Variants in RAPGEF6 observed in about 807,000 individuals in gnomAD.
RAPGEF6 encodes PDZ domain containing guanine nucleotide exchange factor (GEF) 2.
In RAPGEF6, 56 loss-of-function variants were observed where a neutral mutation model predicts 171.4. The ratio of observed to expected loss-of-function variants is 0.33; its 90% CI spans 0.26 to 0.41. The LOEUF is 0.41. RAPGEF6 is among the 10% of genes least tolerant of loss of function. The probability of loss-of-function intolerance (pLI) is 1.00; values close to 1 mark genes in which losing one functional copy is unlikely to be tolerated. For missense variants in RAPGEF6, 1,674 were observed against 1,921.4 expected, an observed-to-expected ratio of 0.87 and a Z score of 2.41; for synonymous variants, 692 against 650.1, an observed-to-expected ratio of 1.06 and a Z score of -0.98.
chr5:131,449,986 C>T (rs374244993), intron 21 of RAPGEF6: 214 of 1,524,208 alleles, frequency 1.4e-4, no homozygotes, highest in Admixed American at 4.5e-4. Context: ...AAGAGTCGCA[C>T]AACCTTCATT....
chr5:131,455,052 A>G (rs920378075), intron 20 of RAPGEF6, among the ~76,000 whole-genome samples: 2 of 152,252 alleles, frequency 1.3e-5, no homozygotes, highest in African/African-American at 4.8e-5. Flanking sequence ...ACCTGCACTT[A>G]AGGAGAATAC....
intron 1 of RAPGEF6, among the ~76,000 whole-genome samples, chr5:131,619,114 C>G (rs934097036): frequency 5.3e-5 from 8 of 151,770 alleles, no homozygotes; most frequent in African/African-American, 1.9e-4. Context: ...CGTAACATAC[C>G]TTGACTAGAC....
rs2149874326 is a variant in RAPGEF6 at position 131,492,619 on chromosome 5, C to G, written c.1694G>C (p.Ser565Thr). ...GIFVEGVEPG[S>T]KAADSGLKRG... is the part of the protein sequence containing the mutation. ...TTTCAGTCCTGAATCAGCAGCTTTG[C>G]TACCAGGTTCTACTCCTTCAACAAA... Residue 565 changes from serine (S) to threonine (T), a missense_variant, in exon 14 of 28, where the codon AGC becomes ACC. By Grantham distance (58) the Ser-to-Thr change is moderately conservative. Around this residue, in one of 3 missense-constraint regions of RAPGEF6, gnomAD observed 1,116 missense variants for 1,321.5 expected, o/e 0.84. Transcript: ENST00000509018. 1 of 1,614,178 alleles carries G rather than the reference C, an allele frequency of 6.2e-7. No homozygotes were observed. The highest frequency in any genetic ancestry group is 2.2e-5 in the East Asian group (1 of 44,884).
At chr5:131,484,959 G>C (rs1755776727) in intron 15 of RAPGEF6, among the ~76,000 whole-genome samples, 1 of 152,130 alleles carries the variant, frequency 6.6e-6, no homozygotes, top group African/African-American at 2.4e-5. Flanking sequence ...ACAGAGTCTT[G>C]CTCGTTGCCC....
At chr5:131,471,970 A>C (rs1479453311) in intron 17 of RAPGEF6, 1 of 153,074 alleles carries the variant, frequency 6.5e-6, no homozygotes, top group Admixed American at 6.5e-5. Context: ...CCTGGGTAAG[A>C]TATATCTTGC....
At chr5:131,511,830 T>C (rs932778307) in intron 7 of RAPGEF6, among the ~76,000 whole-genome samples, 3 of 152,086 alleles carry the variant, frequency 2.0e-5, no homozygotes, top group African/African-American at 7.2e-5. Flanking sequence ...CTACCTTTCC[T>C]CTCCATCTTA....
At chr5:131,494,042 G>T (rs566357590) in intron 13 of RAPGEF6, among the ~76,000 whole-genome samples, 3 of 152,338 alleles carry the variant, frequency 2.0e-5, no homozygotes, top group Non-Finnish European at 4.4e-5. Flanking sequence ...TGCTCTGTAA[G>T]TAATTAATTA....
At chr5:131,474,442 T>A (rs1014896870) in intron 16 of RAPGEF6, among the ~76,000 whole-genome samples, 1 of 152,022 alleles carries the variant, frequency 6.6e-6, no homozygotes, top group Non-Finnish European at 1.5e-5. Context: ...AGACTCCGTA[T>A]CAAAACAATA....
intron 4 of RAPGEF6, among the ~76,000 whole-genome samples, chr5:131,591,586 G>A (rs1391039184): frequency 6.6e-6 from 1 of 152,202 alleles, no homozygotes; most frequent in Non-Finnish European, 1.5e-5. Flanking sequence ...GCTCCAGAGT[G>A]TGAACCCTTA....
intron 10 of RAPGEF6, 52 bp from the exon 11 acceptor site, chr5:131,504,830 A>G: frequency 6.6e-7 from 1 of 1,510,604 alleles, no homozygotes; most frequent in Non-Finnish European, 9.0e-7. Context: ...ACATAAATAT[A>G]TCACTATGTA....
At chr5:131,496,906 T>C (rs1170012708) in intron 12 of RAPGEF6, among the ~76,000 whole-genome samples, 2 of 152,166 alleles carry the variant, frequency 1.3e-5, no homozygotes, top group Non-Finnish European at 2.9e-5. Flanking sequence ...TATGTTTAAC[T>C]TTTTGAAGAA....
intron 11 of RAPGEF6, among the ~76,000 whole-genome samples, chr5:131,503,668 G>C (rs187841853): frequency 6.6e-6 from 1 of 152,134 alleles, no homozygotes; most frequent in Non-Finnish European, 1.5e-5. Flanking sequence ...AAGAGAAACA[G>C]TTATGTGTTT....
At chr5:131,558,595 T>C in intron 5 of RAPGEF6, among the ~76,000 whole-genome samples, 1 of 152,210 alleles carries the variant, frequency 6.6e-6, no homozygotes, top group Middle Eastern at 3.2e-3. Flanking sequence ...CTTATAGCAC[T>C]AGGGCTTAAA....
At chr5:131,623,449 T>C (rs1485554203) in intron 1 of RAPGEF6, among the ~76,000 whole-genome samples, 2 of 150,912 alleles carry the variant, frequency 1.3e-5, no homozygotes, top group Non-Finnish European at 2.9e-5. Flanking sequence ...ACTACTAGAA[T>C]AGTAAAGGAA....
At chr5:131,569,464 A>G (rs116482448) in intron 4 of RAPGEF6, among the ~76,000 whole-genome samples, 46 of 152,300 alleles carry the variant, frequency 3.0e-4, no homozygotes, top group African/African-American at 9.4e-4. Context: ...TTCAATGGGG[A>G]AAAAAACAGC....
rs1580639352 is a variant in RAPGEF6, at chr5:131,592,407, C to T, written c.257G>A (p.Gly86Asp). ...ILLSGSVLVK[G>D]SMVLPPCSFG... ...CCTGCAAGGAGGCAAGACCATGGAG[C>T]CTTTCACAAGCACAGATCCAGAAAG... The change falls in exon 4 of 28, where the codon GGC (glycine) becomes GAC (aspartate). Residue 86 changes from glycine (G) to aspartate (D), a missense_variant. Coordinates refer to ENST00000509018, the MANE Select transcript of RAPGEF6 (RefSeq NM_016340.6). The T allele has an allele frequency of 6.2e-7, 1 of 1,613,952 alleles. No homozygotes were observed. The highest frequency in any genetic ancestry group is 8.5e-7 in the Non-Finnish European group (1 of 1,179,878).
At chr5:131,488,005 G>A (rs568240357) in intron 15 of RAPGEF6, among the ~76,000 whole-genome samples, 2 of 152,256 alleles carry the variant, frequency 1.3e-5, no homozygotes. Flanking sequence ...TTCTCTGGGT[G>A]CATTTTCTAA....
At chr5:131,631,929 AG>A (rs1283429002) in intron 1 of RAPGEF6, among the ~76,000 whole-genome samples, 2 of 152,056 alleles carry the variant, frequency 1.3e-5, no homozygotes, top group East Asian at 3.9e-4. Flanking sequence ...ACAAAAAATT[AG>A]CCGGGCGTGT....
chr5:131,443,805 T>C (rs1470573379), intron 22 of RAPGEF6, among the ~76,000 whole-genome samples: 1 of 152,236 alleles, frequency 6.6e-6, no homozygotes, highest in African/African-American at 2.4e-5. Flanking sequence ...TACATCCTTA[T>C]GTGCCAGTAA....
Sources: gnomAD v4.1 joint callset for allele counts (sites outside exome capture counted in the v4.1 genomes callset) on GRCh38, gnomAD v4.1.1 for gene constraint, gnomAD v4.1.1 regional missense constraint, MANE v1.5 for transcripts, NCBI Gene and HGNC (gene_info 2026-07-23, HGNC 2026-07-21) for gene names.